Variants in MROH2B observed in about 807,000 individuals in gnomAD.
MROH2B encodes maestro heat-like repeat-containing protein family member 2B.
In MROH2B, 177 loss-of-function variants were observed where a neutral mutation model predicts 208.6. That is an observed-to-expected ratio of 0.85 (90% confidence interval 0.75 to 0.96). The LOEUF (loss-of-function observed/expected upper bound fraction) is 0.96, where lower values mean the gene tolerates loss of function less well. MROH2B is among the 40% of genes least tolerant of loss of function. MROH2B has a pLI of 0.00. For missense variants in MROH2B, 2,002 were observed against 1,878.7 expected, an observed-to-expected ratio of 1.07 and a Z score of -1.21; for synonymous variants, 728 against 659.0, an observed-to-expected ratio of 1.10 and a Z score of -1.60.
At chr5:41,007,476 A>G (rs1301737217) in intron 33 of MROH2B, 22 bp from the exon 34 acceptor site, 1 of 1,535,356 alleles carries the variant, frequency 6.5e-7, no homozygotes, top group African/African-American at 1.4e-5. Flanking sequence ...AGTCAGCATT[A>G]CAAAACTAAG....
intron 1 of MROH2B, among the ~76,000 whole-genome samples, chr5:41,070,552 T>A (rs1478913978): frequency 6.6e-6 from 1 of 152,146 alleles, no homozygotes; most frequent in African/African-American, 2.4e-5. Flanking sequence ...TAAAATTAAA[T>A]AACAAACTGC....
Position 41,065,532 on chromosome 5 carries a change from G to A in MROH2B, c.202-42C>T. 3.9e-6 allele frequency: 6 copies of A among 1,553,156 alleles called. No homozygotes were observed. In the South Asian group the frequency reaches 5.7e-5, roughly 15 times the overall value. On this transcript the variant is annotated intron_variant, in intron 3 of 41. Coordinates refer to ENST00000399564, the MANE Select transcript of MROH2B (RefSeq NM_173489.5). ...AAATAACAATAACAACTAGAAAAGG[G>A]GCAGAGTGAGTCTATGGAGGGGAAC...
At chr5:41,041,875 A>T (rs1370163830) in intron 19 of MROH2B, among the ~76,000 whole-genome samples, 1 of 152,212 alleles carries the variant, frequency 6.6e-6, no homozygotes, top group Non-Finnish European at 1.5e-5. Context: ...ATTGAAATTC[A>T]TTTTTCAATA....
At chr5:41,067,892 A>G (rs1399949018) in intron 2 of MROH2B, among the ~76,000 whole-genome samples, 1 of 152,114 alleles carries the variant, frequency 6.6e-6, no homozygotes. Flanking sequence ...ACTATCAGGG[A>G]GTGATATGGT....
chr5:41,058,277 CT>C, intron 6 of MROH2B, 74 bp from the exon 7 acceptor site: 2 of 1,368,558 alleles, frequency 1.5e-6, no homozygotes, highest in Non-Finnish European at 1.9e-6. Context: ...ACACCAGGAG[CT>C]TTAGGTACTC....
At chr5:41,015,302 G>T in intron 29 of MROH2B, 79 bp downstream of exon 29, 1 of 1,241,896 alleles carries the variant, frequency 8.1e-7, no homozygotes, top group Non-Finnish European at 1.1e-6. Context: ...TATCTTCTTT[G>T]CAGTGGGGAG....
rs1252453340 is a variant in MROH2B, at chr5:41,052,458, T to C, written c.1230+7A>G. 1.2e-6 allele frequency: 2 copies of C among 1,611,236 alleles called. No individual in the cohort carries two copies. Among genetic ancestry groups the C allele is most frequent in the Admixed American group, 1.7e-5 (1 of 59,806 alleles). On this transcript the variant is annotated splice_region_variant and intron_variant, in intron 12 of 41. Transcript: ENST00000399564. ...GTGCATCACTCAAAACTGTAGCCTC[T>C]GCATACCAGATTCCTGTTCAACGTT...
intron 9 of MROH2B, among the ~76,000 whole-genome samples, chr5:41,056,892 G>T (rs10045129): frequency 1.3e-5 from 2 of 151,300 alleles, no homozygotes; most frequent in Non-Finnish European, 3.0e-5. Context: ...TATCCCAGTC[G>T]TGGAAACCCT....
chr5:41,000,812 T>C lies in MROH2B; in HGVS notation c.4216A>G (p.Thr1406Ala), dbSNP rs892395973. Residue 1406 changes from threonine to alanine, a missense_variant, in exon 38 of 42, where the codon ACT (threonine) becomes GCT (alanine). Transcript: ENST00000399564. ...AGGTCCTCAAATAAGAAGATGGCAG[T>C]CAATCTCACATCATCCTGCTCCTGT... ...FEDEQDDVRL[T>A]AIFLFEDLAP... 1.9e-6 allele frequency: 3 copies of C among 1,611,464 alleles called. No homozygotes were observed. The highest frequency in any genetic ancestry group is 2.2e-5 in the East Asian group (1 of 44,800).
intron 28 of MROH2B, among the ~76,000 whole-genome samples, chr5:41,017,013 G>A (rs772157051): frequency 3.9e-5 from 6 of 152,050 alleles, no homozygotes; most frequent in Non-Finnish European, 7.3e-5. Context: ...CAATATCTCT[G>A]TGTCCCCAGC....
chr5:41,069,758 A>C lies in MROH2B; in HGVS notation c.29-6T>G. 1 of 1,587,882 alleles carries C rather than the reference A, an allele frequency of 6.3e-7. No individual in the cohort carries two copies. Among genetic ancestry groups the C allele is most frequent in the Non-Finnish European group, 8.6e-7 (1 of 1,160,748 alleles). On this transcript the variant is annotated splice_region_variant and splice_polypyrimidine_tract_variant and intron_variant, in intron 1 of 41. Transcript: ENST00000399564. ...GTTAATATCCCCAAACATCTCTAAA[A>C]CGTACAGAAAAATATGAATTGAAAT...
intron 24 of MROH2B, among the ~76,000 whole-genome samples, chr5:41,025,565 T>C (rs1274556045): frequency 1.3e-5 from 2 of 151,882 alleles, no homozygotes; most frequent in Non-Finnish European, 2.9e-5. Context: ...CCAAAAAAAG[T>C]CCAGGACCAG....
chr5:41,038,911 A>G (rs1240031173), intron 20 of MROH2B, 23 bp from the exon 21 acceptor site: 9 of 1,584,948 alleles, frequency 5.7e-6, no homozygotes, highest in South Asian at 1.1e-5. Context: ...AAAGGGAGAC[A>G]TGAAAAATGT....
rs374634304 is a variant in MROH2B at position 41,004,841 on chromosome 5, G to T, written c.3944C>A (p.Ser1315Tyr). The T allele has an allele frequency of 2.3e-5, 37 of 1,613,932 alleles. No homozygotes were observed. Among genetic ancestry groups the T allele is most frequent in the Non-Finnish European group, 2.5e-5 (30 of 1,179,890 alleles). ...GGCCATCTGCCTCAGAGTGGCGTTG[G>T]AGTCCCAGGCACTTTGATCCATCAA... ...LILMDQSAWD[S>Y]NATLRQMAIR... The change falls in exon 36 of 42, where the codon TCC becomes TAC. Residue 1315 changes from serine to tyrosine, a missense_variant. Transcript: ENST00000399564.
chr5:41,070,473 T>A (rs886894689), intron 1 of MROH2B, among the ~76,000 whole-genome samples: 7 of 152,270 alleles, frequency 4.6e-5, no homozygotes, highest in Middle Eastern at 3.4e-3. Context: ...GGCAATCTTT[T>A]TGGCAAAGTA....
chr5:41,044,297 C>T (rs1743051620), intron 18 of MROH2B, among the ~76,000 whole-genome samples: 1 of 151,226 alleles, frequency 6.6e-6, no homozygotes, highest in Non-Finnish European at 1.5e-5. Flanking sequence ...CTCAAGTATA[C>T]CTTGTGAGCC....
chr5:41,030,083 A>G (rs1742512993), intron 24 of MROH2B, among the ~76,000 whole-genome samples: 1 of 144,990 alleles, frequency 6.9e-6, no homozygotes, highest in African/African-American at 2.5e-5. Flanking sequence ...AATGTCCAGA[A>G]TAAATTAAAA....
At chr5:41,035,361 A>G (rs1455788469) in intron 21 of MROH2B, among the ~76,000 whole-genome samples, 1 of 152,102 alleles carries the variant, frequency 6.6e-6, no homozygotes, top group Non-Finnish European at 1.5e-5. Flanking sequence ...AATAAATAAT[A>G]TTGCTGGGAT....
chr5:41,067,734 C>T (rs182737250), intron 2 of MROH2B, among the ~76,000 whole-genome samples: 14 of 152,286 alleles, frequency 9.2e-5, no homozygotes, highest in African/African-American at 3.1e-4. Context: ...AAAGTCAATT[C>T]TAAAAACTAT....
Sources: gnomAD v4.1 joint callset for allele counts (sites outside exome capture counted in the v4.1 genomes callset) on GRCh38, gnomAD v4.1.1 for gene constraint, MANE v1.5 for transcripts, NCBI Gene and HGNC (gene_info 2026-07-23, HGNC 2026-07-21) for gene names.